The following ICA1L variants were observed in gnomAD, a reference collection of about 807,000 sequenced individuals.
ICA1L encodes the protein islet cell autoantigen 1-like protein.
Under a neutral mutation model 61.3 loss-of-function variants are expected in ICA1L, and 50 were observed. The observed-to-expected ratio is 0.82, with a 90% confidence interval of 0.65 to 1.03. The LOEUF is 1.03. Among genes scored for constraint, ICA1L ranks in the 50% least tolerant of loss-of-function variants. ICA1L has a pLI of 0.00. For synonymous variants in ICA1L, 161 were observed against 191.3 expected, an observed-to-expected ratio of 0.84 and a Z score of 1.31; for missense variants, 508 against 556.7, an observed-to-expected ratio of 0.91 and a Z score of 0.88.
chr2:202,829,149 C>T (rs1054942811), intron 1 of ICA1L, 133 bp from the exon 2 acceptor site: 3 of 586,420 alleles, frequency 5.1e-6, no homozygotes, highest in Non-Finnish European at 8.5e-6. Context: ...GAGATCGAGA[C>T]CATCCTGGCT....
In ICA1L at chr2:202,857,002, A is replaced by T. The variant is rs557538650; in HGVS notation, c.-8+14617T>A. On this transcript the variant is annotated intron_variant, in intron 1 of 12. Coordinates refer to ENST00000358299, the MANE Select transcript of ICA1L (RefSeq NM_001288622.3). ...AGAGAGGATACAAACAAATGCAAAG[A>T]CATTCCAAGCTCATGGATAGGAAGA... Among the ~76,000 whole-genome samples the T allele has an allele frequency of 4.6e-5, 7 of 152,358 alleles. 1 individual carries two copies. The South Asian group carries it at 1.5e-3, about 32-fold the overall frequency.
intron 1 of ICA1L, among the ~76,000 whole-genome samples, chr2:202,864,487 C>G (rs1687415446): frequency 6.6e-6 from 1 of 152,080 alleles, no homozygotes; most frequent in Non-Finnish European, 1.5e-5. Flanking sequence ...CCCGCCTCGG[C>G]CTCCCAAAGT....
chr2:202,848,254 C>T (rs10200686), intron 1 of ICA1L, among the ~76,000 whole-genome samples: 48,729 of 152,038 alleles, frequency 0.32, 8,544 homozygotes, highest in East Asian at 0.61. Flanking sequence ...TGAGCCACCG[C>T]GCCCAGCCAA....
rs555137398 is a variant in ICA1L, at chr2:202,804,551, C to T, written c.910+7195G>A. Among the ~76,000 whole-genome samples the T allele has an allele frequency of 5.3e-5, 8 of 152,208 alleles. No individual in the cohort carries two copies. In the East Asian group the frequency reaches 1.5e-3, roughly 29 times the overall value. ...TCAAAATACATCAAGTAAAAGACTA[C>T]AGGACAAAGTTGAAAATCCAATTTA... On this transcript the variant is annotated intron_variant, in intron 9 of 12. Transcript: ENST00000358299.
intron 3 of ICA1L, among the ~76,000 whole-genome samples, chr2:202,824,230 GT>G (rs1035421281): frequency 9.2e-5 from 14 of 152,150 alleles, no homozygotes; most frequent in Admixed American, 7.9e-4. Context: ...GTGAAACCCC[GT>G]CTCTACTAAA....
intron 1 of ICA1L, among the ~76,000 whole-genome samples, chr2:202,833,294 A>C (rs2105864011): frequency 6.6e-6 from 1 of 152,318 alleles, no homozygotes; most frequent in Non-Finnish European, 1.5e-5. Context: ...TTTAAAAATG[A>C]AAGTAGTGGG....
intron 1 of ICA1L, among the ~76,000 whole-genome samples, chr2:202,855,890 A>G (rs1286621434): frequency 1.3e-5 from 2 of 152,140 alleles, no homozygotes; most frequent in African/African-American, 4.8e-5. Context: ...CCTGGCCAAC[A>G]TCGTGAAACC....
At position 202,779,331 on chromosome 2, in the gene ICA1L, A is replaced by T. The variant is rs1196070741; in HGVS notation, c.*202T>A. 2.3e-6 allele frequency: 1 copy of T among 438,522 alleles called. No individual in the cohort carries two copies. Among genetic ancestry groups the T allele is most frequent in the Non-Finnish European group, 4.0e-6 (1 of 249,948 alleles). The allele number at this position is 438,522 out of a possible 1,614,324, so 27.2% of individuals were successfully genotyped here. A position where few individuals can be genotyped will look rare whatever the true frequency, so the allele number is the denominator to read the frequency against. On this transcript the variant is annotated 3_prime_UTR_variant, in exon 13 of 13. Transcript: ENST00000358299. ...AAGTTTCTAATATTTTCCACATAGT[A>T]CCAACAGCTGCAAATCCAAGATATG...
chr2:202,792,852 T>C (rs1408940188), intron 10 of ICA1L, among the ~76,000 whole-genome samples: 1 of 152,066 alleles, frequency 6.6e-6, no homozygotes, highest in African/African-American at 2.4e-5. Context: ...TACAACAACA[T>C]GGATGACTCC....
At chr2:202,821,914 G>A (rs773587341) in intron 3 of ICA1L, among the ~76,000 whole-genome samples, 1 of 152,054 alleles carries the variant, frequency 6.6e-6, no homozygotes, top group Admixed American at 6.6e-5. Flanking sequence ...TCCTGTGCTC[G>A]GTATCGCAGA....
intron 8 of ICA1L, among the ~76,000 whole-genome samples, chr2:202,812,140 G>A (rs2105843873): frequency 6.6e-6 from 1 of 152,214 alleles, no homozygotes; most frequent in Admixed American, 6.5e-5. Context: ...TCAATCAAGG[G>A]AATGAAGAAC....
At chr2:202,818,640 A>G (rs1302103076) in intron 5 of ICA1L, among the ~76,000 whole-genome samples, 1 of 151,958 alleles carries the variant, frequency 6.6e-6, no homozygotes, top group Admixed American at 6.6e-5. Flanking sequence ...GTGATAGTGA[A>G]TAAGTCTCAC....
intron 9 of ICA1L, among the ~76,000 whole-genome samples, chr2:202,803,764 G>A (rs2105836589): frequency 6.6e-6 from 1 of 152,200 alleles, no homozygotes; most frequent in South Asian, 2.1e-4. Context: ...CTGGGCTCAG[G>A]CCATCCGCCT....
Position 202,861,401 on chromosome 2 carries a change from CAAAAAA to C in ICA1L, c.-8+10212_-8+10217del, listed in dbSNP as rs61240847. On this transcript the variant is annotated intron_variant, in intron 1 of 12. Transcript: ENST00000358299. ...GCCTGGGTACACGGCGAGACTATCTCAAAAAAAAAAAAAAAAAAAAAAAAAAAGACA... is the reference window on the plus strand; with the variant it reads ...GCCTGGGTACACGGCGAGACTATCTCAAAAAAAAAAAAAAAAAAAAAGACA... Among the ~76,000 whole-genome samples, 20 of 21,732 alleles carry C rather than the reference CAAAAAA, an allele frequency of 9.2e-4. 1 individual carries two copies. Among genetic ancestry groups the C allele is most frequent in the Middle Eastern group, 0.1 (2 of 20 alleles). The allele number at this position is 21,732 out of a possible 152,430, so 14.3% of individuals were successfully genotyped here.
intron 9 of ICA1L, among the ~76,000 whole-genome samples, chr2:202,802,279 A>C (rs1330252449): frequency 6.6e-6 from 1 of 152,326 alleles, no homozygotes; most frequent in South Asian, 2.1e-4. Flanking sequence ...GTAGAGGGAA[A>C]GGGGGATGAA....
chr2:202,851,789 T>G (rs1045203737), intron 1 of ICA1L, among the ~76,000 whole-genome samples: 1 of 152,172 alleles, frequency 6.6e-6, no homozygotes, highest in Non-Finnish European at 1.5e-5. Flanking sequence ...TCATGTGTCT[T>G]TTGGCTGCAT....
chr2:202,819,946 A>T, intron 4 of ICA1L, 47 bp from the exon 5 acceptor site: 1 of 1,380,208 alleles, frequency 7.2e-7, no homozygotes, highest in African/African-American at 1.4e-5. Context: ...CATCATAAGT[A>T]AAACAAAACA....
intron 1 of ICA1L, among the ~76,000 whole-genome samples, chr2:202,833,882 C>T (rs1248271081): frequency 2.6e-5 from 4 of 151,858 alleles, no homozygotes; most frequent in African/African-American, 2.4e-5. Flanking sequence ...AACTAATAGA[C>T]GTAGAGAGTA....
chr2:202,871,064 G>C (rs181263532), intron 1 of ICA1L: 32 of 152,350 alleles, frequency 2.1e-4, no homozygotes, highest in African/African-American at 7.5e-4. Flanking sequence ...AGCTCAAACT[G>C]CACATTTACT....
Sources: gnomAD v4.1 joint callset for allele counts (sites outside exome capture counted in the v4.1 genomes callset) on GRCh38, gnomAD v4.1.1 for gene constraint, MANE v1.5 for transcripts, NCBI Gene and HGNC (gene_info 2026-07-23, HGNC 2026-07-21) for gene names.